Variants in SLC30A8 observed in about 807,000 individuals in gnomAD.
SLC30A8 encodes solute carrier family 30 member 8.
A neutral mutation model predicts 36.9 loss-of-function variants in SLC30A8; 27 were observed. The observed-to-expected ratio is 0.73, with a 90% confidence interval of 0.54 to 1.01. SLC30A8 has a LOEUF of 1.01. Among genes scored for constraint, SLC30A8 ranks in the 50% least tolerant of loss-of-function variants. The pLI is 0.00. For missense variants in SLC30A8, 439 were observed against 452.0 expected (o/e 0.97, Z 0.26); for synonymous variants, 164 against 172.4 (o/e 0.95, Z 0.38).
At chr8:117,104,438 T>C (rs1452546610) in intron 2 of SLC30A8, among the ~76,000 whole-genome samples, 1 of 152,184 alleles carries the variant, frequency 6.6e-6, no homozygotes, top group Non-Finnish European at 1.5e-5. Flanking sequence ...TTCAGTAGCA[T>C]GTCCCTCATT....
intron 2 of SLC30A8, among the ~76,000 whole-genome samples, chr8:117,048,433 C>T (rs941620394): frequency 4.6e-5 from 7 of 152,140 alleles, no homozygotes; most frequent in African/African-American, 1.4e-4. Context: ...ATACTCCCCT[C>T]GTATATCCCT....
In SLC30A8 at chr8:117,175,103, T is replaced by A. The variant is rs988685437; in HGVS notation, c.*2422T>A. On this transcript the variant is annotated 3_prime_UTR_variant, in exon 8 of 8. Transcript: ENST00000456015. Reference sequence around the variant, plus strand: ...TCTCCAGCTATCAAAACATTAATGATCTTTTATGTCTTTTTTTTGTTATTG... The same window carrying A: ...TCTCCAGCTATCAAAACATTAATGAACTTTTATGTCTTTTTTTTGTTATTG... 6.6e-6 allele frequency: 1 copy of A among 152,084 alleles called. No homozygotes were observed. The highest frequency in any genetic ancestry group is 1.5e-5 in the Non-Finnish European group (1 of 67,982). The allele number at this position is 152,084 out of a possible 1,614,324, so 9.4% of individuals were successfully genotyped here. A position where few individuals can be genotyped will look rare whatever the true frequency, so the allele number is the denominator to read the frequency against.
intron 1 of SLC30A8, among the ~76,000 whole-genome samples, chr8:117,143,706 G>T (rs1333634334): frequency 1.1e-5 from 1 of 88,382 alleles, no homozygotes; most frequent in Non-Finnish European, 2.7e-5. Context: ...ACTCACACAT[G>T]AACACATCGT....
chr8:117,088,524 A>G (rs1818973346), intron 2 of SLC30A8, among the ~76,000 whole-genome samples: 1 of 152,006 alleles, frequency 6.6e-6, no homozygotes, highest in South Asian at 2.1e-4. Context: ...TCCGACAGTG[A>G]AAAACGTGCA....
At chr8:117,045,724 A>G (rs1817530010) in intron 2 of SLC30A8, among the ~76,000 whole-genome samples, 1 of 152,168 alleles carries the variant, frequency 6.6e-6, no homozygotes, top group African/African-American at 2.4e-5. Flanking sequence ...GTCCTTTCAA[A>G]GCGTGGCCAG....
chr8:117,123,671 C>A (rs565213941), intron 2 of SLC30A8, among the ~76,000 whole-genome samples: 1 of 151,912 alleles, frequency 6.6e-6, no homozygotes, highest in African/African-American at 2.4e-5. Flanking sequence ...ATAAAGTTCA[C>A]GTAAGTGTAT....
intron 2 of SLC30A8, among the ~76,000 whole-genome samples, chr8:117,094,924 C>T (rs1169961545): frequency 6.6e-6 from 1 of 152,232 alleles, no homozygotes; most frequent in Non-Finnish European, 1.5e-5. Context: ...GCAGTGCTGC[C>T]CTGAGTGTGT....
intron 1 of SLC30A8, among the ~76,000 whole-genome samples, chr8:116,998,558 G>A (rs1815897611): frequency 6.6e-6 from 1 of 152,156 alleles, no homozygotes; most frequent in African/African-American, 2.4e-5. Context: ...CAAAATTCAT[G>A]GCTGCTCAGA....
intron 1 of SLC30A8, among the ~76,000 whole-genome samples, chr8:117,030,937 A>G (rs971869587): frequency 8.5e-5 from 13 of 152,156 alleles, no homozygotes; most frequent in Non-Finnish European, 1.8e-4. Flanking sequence ...TTCTCAAGAG[A>G]AACAATCTAT....
intron 1 of SLC30A8, among the ~76,000 whole-genome samples, chr8:117,000,211 G>C (rs941520517): frequency 1.3e-5 from 2 of 152,208 alleles, no homozygotes; most frequent in African/African-American, 4.8e-5. Flanking sequence ...ACAGGCCTGA[G>C]AGTCAAGACT....
chr8:117,046,216 T>C (rs974509149), intron 2 of SLC30A8, among the ~76,000 whole-genome samples: 1 of 152,196 alleles, frequency 6.6e-6, no homozygotes, highest in Non-Finnish European at 1.5e-5. Flanking sequence ...TACTGTTGGC[T>C]TTGGGGCTGA....
At chr8:117,052,839 A>G (rs1402800685) in intron 2 of SLC30A8, among the ~76,000 whole-genome samples, 2 of 152,070 alleles carry the variant, frequency 1.3e-5, no homozygotes, top group Non-Finnish European at 2.9e-5. Flanking sequence ...TGTTTCTTAA[A>G]AACATGAGGT....
chr8:117,104,691 T>G (rs1485541015), intron 2 of SLC30A8, among the ~76,000 whole-genome samples: 1 of 152,124 alleles, frequency 6.6e-6, no homozygotes, highest in African/African-American at 2.4e-5. Context: ...GGCAAATCCA[T>G]AGGGTAAAGT....
chr8:117,031,837 T>C (rs1817061198), intron 1 of SLC30A8, among the ~76,000 whole-genome samples: 1 of 152,194 alleles, frequency 6.6e-6, no homozygotes, highest in Non-Finnish European at 1.5e-5. Flanking sequence ...GCTAAGCTTC[T>C]GTAGGCTGCT....
At chr8:117,004,000 T>G (rs1005413360) in intron 1 of SLC30A8, among the ~76,000 whole-genome samples, 2 of 152,214 alleles carry the variant, frequency 1.3e-5, no homozygotes, top group African/African-American at 4.8e-5. Context: ...TAGACGTGTT[T>G]GAAGGAACAA....
intron 1 of SLC30A8, among the ~76,000 whole-genome samples, chr8:117,010,898 C>T (rs1225190913): frequency 1.3e-5 from 2 of 152,120 alleles, no homozygotes; most frequent in Non-Finnish European, 2.9e-5. Flanking sequence ...CAACACCAGG[C>T]GGATGGTGCT....
intron 1 of SLC30A8, among the ~76,000 whole-genome samples, chr8:117,015,491 G>T (rs188205861): frequency 1.3e-5 from 2 of 151,870 alleles, no homozygotes; most frequent in African/African-American, 4.8e-5. Context: ...TCCTAAAGTG[G>T]GTCCAATGGG....
intron 2 of SLC30A8, chr8:117,039,291 G>C (rs1331776514): frequency 6.6e-6 from 1 of 151,914 alleles, no homozygotes; most frequent in Non-Finnish European, 1.5e-5. Context: ...TGTGTGAGAG[G>C]GAGATCAATA....
At chr8:116,988,406 A>G (rs1815522332) in intron 1 of SLC30A8, among the ~76,000 whole-genome samples, 1 of 150,978 alleles carries the variant, frequency 6.6e-6, no homozygotes, top group Non-Finnish European at 1.5e-5. Flanking sequence ...TGCATGGACA[A>G]CTCCTTTTCC....
Sources: gnomAD v4.1 joint callset for allele counts (sites outside exome capture counted in the v4.1 genomes callset) on GRCh38, gnomAD v4.1.1 for gene constraint, MANE v1.5 for transcripts, NCBI Gene and HGNC (gene_info 2026-07-23, HGNC 2026-07-21) for gene names.